Variants in DNAH17 observed in about 807,000 individuals in gnomAD.
DNAH17 encodes axonemal beta dynein heavy chain 17.
In DNAH17, 376 loss-of-function variants were observed where a neutral mutation model predicts 485.6. That is an observed-to-expected ratio of 0.77 (90% CI 0.71 to 0.84). The LOEUF (loss-of-function observed/expected upper bound fraction) is 0.84, where lower values mean the gene tolerates loss of function less well. DNAH17 is among the 40% of genes least tolerant of loss of function. The pLI is 0.00. For synonymous variants in DNAH17, 3,031 were observed against 2,405.9 expected (o/e 1.26, Z -7.60); for missense variants, 6,370 against 5,839.3 (o/e 1.09, Z -2.96).
At chr17:78,449,646 G>A in intron 68 of DNAH17, 62 bp from the exon 69 acceptor site, 12 of 1,339,554 alleles carry the variant, frequency 9.0e-6, no homozygotes, top group South Asian at 2.5e-5. Flanking sequence ...ACCACTCCCC[G>A]CCACCACTCC....
intron 63 of DNAH17, 148 bp downstream of exon 63, chr17:78,455,496 T>G (rs1482689340): frequency 1.7e-6 from 1 of 576,610 alleles, no homozygotes; most frequent in African/African-American, 1.9e-5. Flanking sequence ...GGCTAATTTT[T>G]TTTTAAATTT....
Position 78,455,753 on chromosome 17 carries a change from C to G in DNAH17, c.10061G>C (p.Gly3354Ala). 6.2e-7 allele frequency: 1 copy of G among 1,613,384 alleles called. No homozygotes were observed. The highest frequency in any genetic ancestry group is 8.5e-7 in the Non-Finnish European group (1 of 1,179,676). ...GAAGGCAGAGATGAGCAGGACGTCC[C>G]CACACAGCGTGACCCCCTGGCTCCT... ...NFRSQGVTLC[G>A]DVLLISAFVS... The change falls in exon 63 of 81, where the codon GGG (glycine) becomes GCG (alanine). Residue 3354 changes from glycine (G) to alanine (A), a missense_variant. By Grantham distance (60) the Gly-to-Ala change is moderately conservative. Coordinates refer to ENST00000389840, the MANE Select transcript of DNAH17 (RefSeq NM_173628.4).
intron 16 of DNAH17, among the ~76,000 whole-genome samples, 164 bp from the exon 17 acceptor site, chr17:78,544,161 G>A (rs145281222): frequency 1.8e-4 from 27 of 152,332 alleles, no homozygotes; most frequent in African/African-American, 6.5e-4. Flanking sequence ...CTAAGGACCT[G>A]TGCCTAATTG....
intron 22 of DNAH17, among the ~76,000 whole-genome samples, chr17:78,528,145 T>C (rs1221879296): frequency 7.9e-5 from 12 of 152,198 alleles, no homozygotes; most frequent in Admixed American, 7.2e-4. Flanking sequence ...GAGACTTCTC[T>C]AGTTCTTCTA....
chr17:78,545,873 T>C (rs1008466785), intron 16 of DNAH17, among the ~76,000 whole-genome samples: 1 of 152,220 alleles, frequency 6.6e-6, no homozygotes, highest in African/African-American at 2.4e-5. Flanking sequence ...GTTAGCTAAA[T>C]ATATATTTTT....
chr17:78,496,155 G>C, intron 37 of DNAH17, 123 bp from the exon 38 acceptor site: 1 of 1,089,168 alleles, frequency 9.2e-7, no homozygotes, highest in Non-Finnish European at 1.3e-6. Flanking sequence ...AAACCTCCTA[G>C]TTTATTTTTT....
intron 26 of DNAH17, chr17:78,510,750 G>GGCCC (rs1174928100): frequency 2.0e-5 from 6 of 306,276 alleles, no homozygotes; most frequent in African/African-American, 5.6e-5. Context: ...GCGGAATTGC[G>GGCCC]GCCCCCCCGC....
rs1323959251 is a variant in DNAH17 at position 78,574,790 on chromosome 17, C to T, written c.268G>A (p.Asp90Asn). The change falls in exon 2 of 81, where the codon GAC (aspartate) becomes AAC (asparagine). Residue 90 changes from aspartate (D) to asparagine (N), a missense_variant. By Grantham distance (23) the Asp-to-Asn change is conservative. Transcript: ENST00000389840. ...TAAAGGAGCCGGGCCCTGTAGTTGTCCTTGTTGATGTTCTCGGACTTTGTC... is the reference window on the plus strand; with the variant it reads ...TAAAGGAGCCGGGCCCTGTAGTTGTTCTTGTTGATGTTCTCGGACTTTGTC... ...IKTKSENINKDNYRARLLYGD... is the reference protein window; with the variant it reads ...IKTKSENINKNNYRARLLYGD... The T allele has an allele frequency of 1.9e-6, 3 of 1,613,960 alleles. No homozygotes were observed. Among genetic ancestry groups the T allele is most frequent in the East Asian group, 2.2e-5 (1 of 44,878 alleles).
intron 37 of DNAH17, among the ~76,000 whole-genome samples, chr17:78,497,964 G>T (rs530466916): frequency 1.6e-4 from 24 of 152,214 alleles, no homozygotes; most frequent in African/African-American, 5.5e-4. Context: ...CCAACACGGA[G>T]AAACCCCATC....
rs547416504 is a variant in DNAH17 at position 78,481,072 on chromosome 17, A to T, written c.7650-286T>A. Reference sequence around the variant, plus strand: ...AGCCTCCCAAAGTGCTGAGATTACAAGTGTGAGCCACCACGCCCGCCCCCC... The same window carrying T: ...AGCCTCCCAAAGTGCTGAGATTACATGTGTGAGCCACCACGCCCGCCCCCC... On this transcript the variant is annotated intron_variant, in intron 48 of 80. Coordinates refer to ENST00000389840, the MANE Select transcript of DNAH17 (RefSeq NM_173628.4). Among the ~76,000 whole-genome samples the T allele has an allele frequency of 4.7e-4, 59 of 126,154 alleles. No individual in the cohort carries two copies. In the South Asian group the frequency reaches 5.4e-3, roughly 11 times the overall value. The allele number at this position is 126,154 out of a possible 152,430, so 82.8% of individuals were successfully genotyped here.
At chr17:78,531,836 C>T (rs144827619) in intron 20 of DNAH17, among the ~76,000 whole-genome samples, 120 of 152,298 alleles carry the variant, frequency 7.9e-4, no homozygotes, top group African/African-American at 2.8e-3. Context: ...GAATTGAATC[C>T]ATTTACATTT....
chr17:78,473,602 T>C (rs1459903287), intron 54 of DNAH17, among the ~76,000 whole-genome samples: 1 of 142,826 alleles, frequency 7.0e-6, no homozygotes, highest in Non-Finnish European at 1.5e-5. Context: ...TTGTGATGGG[T>C]GCAGGGACAG....
At chr17:78,428,428 G>C in intron 77 of DNAH17, 97 bp downstream of exon 77, 1 of 1,429,290 alleles carries the variant, frequency 7.0e-7, no homozygotes, top group Non-Finnish European at 9.6e-7. Flanking sequence ...TACCTCACCA[G>C]CAAGTTCCCC....
chr17:78,442,924 T>C (rs1274405982), intron 71 of DNAH17, among the ~76,000 whole-genome samples: 1 of 152,238 alleles, frequency 6.6e-6, no homozygotes, highest in Admixed American at 6.5e-5. Flanking sequence ...CTGGCTTTGT[T>C]ATTAGTCACG....
intron 13 of DNAH17, among the ~76,000 whole-genome samples, chr17:78,558,759 CCTT>C (rs1185831263): frequency 1.3e-5 from 2 of 152,300 alleles, no homozygotes; most frequent in East Asian, 1.9e-4. Flanking sequence ...TGGAATCTAA[CCTT>C]CTGTTTTCTC....
Position 78,455,767 on chromosome 17 carries a change from C to T in DNAH17, c.10047G>A (p.Gly3349=), listed in dbSNP as rs1207371919. 2 of 1,613,438 alleles carry T rather than the reference C, an allele frequency of 1.2e-6. No individual in the cohort carries two copies. The highest frequency in any genetic ancestry group is 2.7e-5 in the African/African-American group (2 of 74,918). Residue 3349 remains glycine, a synonymous_variant, in exon 63 of 81, where the codon GGG becomes GGA. Coordinates refer to ENST00000389840, the MANE Select transcript of DNAH17 (RefSeq NM_173628.4). ...GCAGGACGTCCCCACACAGCGTGAC[C>T]CCCTGGCTCCTGAAGTTCTCCACAG... ...AESVENFRSQ[G]VTLCGDVLLI... is the part of the protein sequence containing the mutation.
chr17:78,475,182 T>C (rs2088957928), intron 54 of DNAH17, 96 bp downstream of exon 54: 1 of 1,365,270 alleles, frequency 7.3e-7, no homozygotes. Context: ...TCGGATTCCC[T>C]GTACTCGCTG....
chr17:78,573,015 C>T, intron 2 of DNAH17, 121 bp from the exon 3 acceptor site: 2 of 843,386 alleles, frequency 2.4e-6, no homozygotes, highest in Non-Finnish European at 3.6e-6. Flanking sequence ...AAAACTGGGT[C>T]CCGCACAGAG....
intron 18 of DNAH17, 63 bp downstream of exon 18, chr17:78,539,674 C>G: frequency 1.5e-6 from 2 of 1,349,182 alleles, no homozygotes; most frequent in East Asian, 5.3e-5. Context: ...AAACTAGAAA[C>G]TATAGATTCT....
Sources: allele counts gnomAD v4.1 joint callset (sites outside exome capture counted in the v4.1 genomes callset), GRCh38; gene constraint gnomAD v4.1.1; transcripts MANE v1.5; gene names NCBI Gene and HGNC (gene_info 2026-07-23, HGNC 2026-07-21).